OCLN: variants seen among roughly 807,000 people sequenced by gnomAD.
OCLN encodes the protein phosphatase 1, regulatory subunit 115.
In OCLN, 21 loss-of-function variants were observed where a neutral mutation model predicts 47.9. The observed-to-expected ratio is 0.44, with a 90% CI of 0.31 to 0.63. The LOEUF is 0.63. Among genes scored for constraint, OCLN ranks in the 30% least tolerant of loss-of-function variants. The pLI is 0.08. For missense variants in OCLN, 360 were observed against 571.0 expected, an observed-to-expected ratio of 0.63 and a Z score of 3.77; for synonymous variants, 117 against 198.4, an observed-to-expected ratio of 0.59 and a Z score of 3.45.
chr5:69,519,284 T>TTA (rs1421327093), intron 4 of OCLN, among the ~76,000 whole-genome samples: 1 of 152,216 alleles, frequency 6.6e-6, no homozygotes, highest in Non-Finnish European at 1.5e-5. Context: ...ATCTTCAGGA[T>TTA]TATAACACGC....
At chr5:69,497,305 C>A (rs189132438) in intron 1 of OCLN, among the ~76,000 whole-genome samples, 1 of 151,244 alleles carries the variant, frequency 6.6e-6, no homozygotes, top group African/African-American at 2.4e-5. Context: ...GCTGCTAAAG[C>A]GATTCTTCTG....
Position 69,531,034 on chromosome 5 carries a change from A to G in OCLN, c.892-3660A>G, listed in dbSNP as rs561159751. Reference sequence around the variant, plus strand: ...ATCTAGGTTCTTGGGAAAGTTGTCTAACTGCCTGAGCCACAGCTTCCTCAT... The same window carrying G: ...ATCTAGGTTCTTGGGAAAGTTGTCTGACTGCCTGAGCCACAGCTTCCTCAT... On this transcript the variant is annotated intron_variant, in intron 4 of 8. Transcript: ENST00000396442. Among the ~76,000 whole-genome samples the G allele has an allele frequency of 2.4e-3, 373 of 152,372 alleles. 1 individual carries two copies. The highest frequency in any genetic ancestry group is 3.9e-3 in the Non-Finnish European group (267 of 68,040).
intron 1 of OCLN, among the ~76,000 whole-genome samples, chr5:69,501,019 C>T (rs1434750897): frequency 2.0e-5 from 3 of 152,100 alleles, no homozygotes; most frequent in East Asian, 3.9e-4. Context: ...CGGGCTCAAG[C>T]GATTCTCATG....
chr5:69,497,974 T>C (rs1321144678), intron 1 of OCLN, among the ~76,000 whole-genome samples: 1 of 151,248 alleles, frequency 6.6e-6, no homozygotes, highest in Non-Finnish European at 1.5e-5. Context: ...CTACTAAAAA[T>C]ACAAAAAATT....
In OCLN at chr5:69,555,693, A is replaced by G. The variant is rs1221937877; in HGVS notation, c.*2022A>G. 6.6e-6 allele frequency: 1 copy of G among 152,114 alleles called. No homozygotes were observed. The highest frequency in any genetic ancestry group is 1.5e-5 in the Non-Finnish European group (1 of 68,028). The allele number at this position is 152,114 out of a possible 1,614,324, so 9.4% of individuals were successfully genotyped here. On this transcript the variant is annotated 3_prime_UTR_variant, in exon 9 of 9. Coordinates refer to ENST00000396442, the MANE Select transcript of OCLN (RefSeq NM_001205254.2). ...TAATTTTCTGCATGCACATAATACAAAAGGTATTTTCATAGTTTTGGATTT... is the reference window on the plus strand; with the variant it reads ...TAATTTTCTGCATGCACATAATACAGAAGGTATTTTCATAGTTTTGGATTT...
intron 4 of OCLN, among the ~76,000 whole-genome samples, chr5:69,518,453 T>C (rs763615564): frequency 8.5e-5 from 13 of 152,220 alleles, no homozygotes; most frequent in Non-Finnish European, 1.8e-4. Context: ...ATAAATTATT[T>C]GGAGGTGGTT....
intron 2 of OCLN, among the ~76,000 whole-genome samples, chr5:69,507,331 C>T (rs914681369): frequency 6.6e-6 from 1 of 152,080 alleles, no homozygotes; most frequent in Non-Finnish European, 1.5e-5. Flanking sequence ...GACGGGGTTT[C>T]GCCATGTTGG....
At chr5:69,518,859 G>C (rs561733228) in intron 4 of OCLN, among the ~76,000 whole-genome samples, 2 of 152,102 alleles carry the variant, frequency 1.3e-5, no homozygotes, top group African/African-American at 2.4e-5. Context: ...TGGCTGATTC[G>C]GGGGGAAAAG....
At chr5:69,500,590 T>G (rs908382050) in intron 1 of OCLN, among the ~76,000 whole-genome samples, 1 of 151,964 alleles carries the variant, frequency 6.6e-6, no homozygotes, top group Admixed American at 6.6e-5. Context: ...TTAGTAGAGA[T>G]AGGGTTTCAC....
At chr5:69,533,106 C>CATAT (rs1234212958) in intron 4 of OCLN, among the ~76,000 whole-genome samples, 1 of 139,612 alleles carries the variant, frequency 7.2e-6, no homozygotes, top group African/African-American at 3.1e-5. Flanking sequence ...CACACACACA[C>CATAT]ACATATATAT....
rs934920360 is a variant in OCLN at position 69,508,533 on chromosome 5, G to T, written c.51-608G>T. On this transcript the variant is annotated intron_variant, in intron 2 of 8. Transcript: ENST00000396442. The stretch of plus-strand genomic sequence containing the variant: ...TTTTTGTATTTTTAGTAGAGATGGG[G>T]TTTCACCATGTTGGCCAGGCTGGTC... 3.3e-5 allele frequency among the ~76,000 whole-genome samples: 5 copies of T among 152,180 alleles called. No homozygotes were observed. The East Asian group carries it at 9.7e-4, about 29-fold the overall frequency.
chr5:69,501,024 C>G (rs554785276), intron 1 of OCLN, among the ~76,000 whole-genome samples: 1 of 152,186 alleles, frequency 6.6e-6, no homozygotes, highest in East Asian at 1.9e-4. Context: ...TCAAGCGATT[C>G]TCATGCCTCA....
intron 3 of OCLN, among the ~76,000 whole-genome samples, chr5:69,513,429 TA>T (rs1310651175): frequency 1.3e-5 from 2 of 152,214 alleles, no homozygotes; most frequent in Admixed American, 6.5e-5. Flanking sequence ...TTTGGTAAGA[TA>T]GAGATCTATG....
chr5:69,496,974 C>A (rs1186678013), intron 1 of OCLN, among the ~76,000 whole-genome samples: 1 of 152,174 alleles, frequency 6.6e-6, no homozygotes, highest in Non-Finnish European at 1.5e-5. Context: ...TCACTCAACA[C>A]ATGTACAGAT....
chr5:69,513,855 T>TA (rs1453259439), intron 3 of OCLN, 93 bp from the exon 4 acceptor site: 1 of 1,052,780 alleles, frequency 9.5e-7, no homozygotes, highest in Non-Finnish European at 1.5e-6. Flanking sequence ...AGTAGGGCCT[T>TA]AGGGTAGATA....
rs1467289115 is a variant in OCLN, at chr5:69,492,866, GC to G, written c.-98del. On this transcript the variant is annotated 5_prime_UTR_variant, in exon 1 of 9. Coordinates refer to ENST00000396442, the MANE Select transcript of OCLN (RefSeq NM_001205254.2). The stretch of plus-strand genomic sequence containing the variant: ...GTGAGCGCGCTCCCTGGCACCGTTG[GC>G]CCCCGGAGGGTCGGGCCCAGTTGCG... The G allele has an allele frequency of 1.3e-5, 2 of 152,378 alleles. No homozygotes were observed. Among genetic ancestry groups the G allele is most frequent in the Non-Finnish European group, 2.9e-5 (2 of 68,230 alleles). The allele number at this position is 152,378 out of a possible 1,614,324, so 9.4% of individuals were successfully genotyped here.
chr5:69,508,588 G>A (rs895834442), intron 2 of OCLN, among the ~76,000 whole-genome samples: 3 of 152,110 alleles, frequency 2.0e-5, no homozygotes, highest in Non-Finnish European at 4.4e-5. Flanking sequence ...TGATCCACCC[G>A]CCTTGGCCTC....
In OCLN at chr5:69,554,672, G is replaced by A. The variant is rs954395901; in HGVS notation, c.*1001G>A. 6.6e-6 allele frequency: 1 copy of A among 151,920 alleles called. No homozygotes were observed. Among genetic ancestry groups the A allele is most frequent in the African/African-American group, 2.4e-5 (1 of 41,334 alleles). The allele number at this position is 151,920 out of a possible 1,614,324, so 9.4% of individuals were successfully genotyped here. On this transcript the variant is annotated 3_prime_UTR_variant, in exon 9 of 9. Transcript: ENST00000396442. ...TTATACTCCTTTGGATGCTGTGCTG[G>A]TTAGTCGTTTCCCATTCCTTTGGCT...
chr5:69,515,528 C>T (rs1157917582), intron 4 of OCLN, among the ~76,000 whole-genome samples: 22 of 7,990 alleles, frequency 2.8e-3, no homozygotes, highest in Non-Finnish European at 3.6e-3. Context: ...GCTGGCCGGG[C>T]GGGGGGCTGA....
Sources: allele counts gnomAD v4.1 joint callset (sites outside exome capture counted in the v4.1 genomes callset), GRCh38; gene constraint gnomAD v4.1.1; transcripts MANE v1.5; gene names NCBI Gene and HGNC (gene_info 2026-07-23, HGNC 2026-07-21).